Variants in DIP2A observed in about 807,000 individuals in gnomAD.
DIP2A encodes DIP2 acetate--CoA ligase A.
DIP2A carries 85 observed loss-of-function variants against 177.4 expected under a neutral mutation model. That is an observed-to-expected ratio of 0.48 (90% CI 0.40 to 0.57). The LOEUF (loss-of-function observed/expected upper bound fraction) is 0.57, where lower values mean the gene tolerates loss of function less well. Ranked by LOEUF, DIP2A falls within the 20% of genes least tolerant of loss-of-function variation. The pLI is 0.00. For synonymous variants in DIP2A, 886 were observed against 881.8 expected, an observed-to-expected ratio of 1.00 and a Z score of -0.08; for missense variants, 1,791 against 2,100.2, an observed-to-expected ratio of 0.85 and a Z score of 2.88.
At chr21:46,497,625 T>G (rs1384691550) in intron 4 of DIP2A, among the ~76,000 whole-genome samples, 1 of 152,232 alleles carries the variant, frequency 6.6e-6, no homozygotes, top group Non-Finnish European at 1.5e-5. Flanking sequence ...AATAATGTAT[T>G]TTAGTCTTCC....
intron 22 of DIP2A, 50 bp from the exon 23 acceptor site, chr21:46,550,493 C>A: frequency 6.4e-7 from 1 of 1,564,004 alleles, no homozygotes; most frequent in Non-Finnish European, 8.7e-7. Context: ...CCCAGCATCT[C>A]CCCAGCCTCA....
intron 18 of DIP2A, among the ~76,000 whole-genome samples, chr21:46,542,876 G>A (rs2059875448): frequency 6.6e-6 from 1 of 152,254 alleles, no homozygotes; most frequent in Non-Finnish European, 1.5e-5. Context: ...CTGCAACTCT[G>A]CCTCTTGCAG....
intron 8 of DIP2A, among the ~76,000 whole-genome samples, chr21:46,522,075 C>T (rs183642762): frequency 2.0e-5 from 3 of 152,212 alleles, no homozygotes; most frequent in African/African-American, 7.2e-5. Flanking sequence ...TCTGACCTGT[C>T]TAATTTAGAC....
downstream of DIP2A, among the ~76,000 whole-genome samples, chr21:46,574,627 G>A (rs143070824): frequency 3.9e-5 from 6 of 152,124 alleles, no homozygotes; most frequent in East Asian, 1.9e-4. Context: ...AATTGGAAAC[G>A]TTACCAATTC....
At chr21:46,523,608 G>A (rs150740204) in intron 8 of DIP2A, among the ~76,000 whole-genome samples, 45 of 110,498 alleles carry the variant, frequency 4.1e-4, no homozygotes, top group Middle Eastern at 4.6e-3. Flanking sequence ...CAGGCCTTAC[G>A]GCCAAAGGTA....
downstream of DIP2A, among the ~76,000 whole-genome samples, chr21:46,573,550 G>A (rs548547941): frequency 6.8e-6 from 1 of 147,726 alleles, no homozygotes; most frequent in Non-Finnish European, 1.5e-5. Flanking sequence ...AGGCTGAGGT[G>A]GGAATATTCC....
intron 18 of DIP2A, 134 bp from the exon 19 acceptor site, chr21:46,545,003 A>G (rs1485190957): frequency 1.4e-5 from 10 of 720,966 alleles, no homozygotes; most frequent in Non-Finnish European, 2.1e-5. Context: ...TCTGTGTCAT[A>G]AAACTCCTTA....
At chr21:46,555,549 G>A (rs1452054522) in intron 28 of DIP2A, 1 of 207,002 alleles carries the variant, frequency 4.8e-6, no homozygotes, top group Admixed American at 5.3e-5. Context: ...GGAGGCAGTG[G>A]TGTCTGGCTC....
At chr21:46,541,530 C>G (rs1569073969) in intron 17 of DIP2A, among the ~76,000 whole-genome samples, 1 of 152,196 alleles carries the variant, frequency 6.6e-6, no homozygotes, top group Non-Finnish European at 1.5e-5. Context: ...GCATCACAAC[C>G]ACTGTAGTCA....
intron 1 of DIP2A, among the ~76,000 whole-genome samples, chr21:46,460,408 T>C (rs993738314): frequency 6.6e-6 from 1 of 152,246 alleles, no homozygotes; most frequent in Non-Finnish European, 1.5e-5. Flanking sequence ...TAATTGATTC[T>C]TACTCTGTTT....
intron 7 of DIP2A, among the ~76,000 whole-genome samples, chr21:46,510,595 A>AAAGC (rs2058260471): frequency 1.3e-5 from 2 of 151,418 alleles, no homozygotes; most frequent in Admixed American, 1.3e-4. Flanking sequence ...GATTAAAGTA[A>AAAGC]TCTTTTTCCA....
At chr21:46,470,202 C>T (rs1189398904) in intron 1 of DIP2A, among the ~76,000 whole-genome samples, 1 of 152,014 alleles carries the variant, frequency 6.6e-6, no homozygotes, top group Non-Finnish European at 1.5e-5. Flanking sequence ...GGGCTGGGCA[C>T]AGTAGCTCAT....
chr21:46,563,092 C>T lies in DIP2A; in HGVS notation c.4090-766C>T, dbSNP rs953121413. ...TGGAAAGAGCTCTGGTTTTGGGGCT[C>T]AGCTGGGACATGCAGGGAGAAGATG... On this transcript the variant is annotated intron_variant, in intron 34 of 37. Transcript: ENST00000417564. This position sits in a 1 kb window ranked among gnomAD's most constrained non-coding sequence, Gnocchi z 4.3. 1.4e-4 allele frequency among the ~76,000 whole-genome samples: 21 copies of T among 152,154 alleles called. No individual in the cohort carries two copies. Among genetic ancestry groups the T allele is most frequent in the Admixed American group, 3.9e-4 (6 of 15,288 alleles).
intron 5 of DIP2A, among the ~76,000 whole-genome samples, chr21:46,503,607 CCTTCCTTTCTTT>C (rs201287898): frequency 0.09 from 9,201 of 102,682 alleles, 401 homozygotes; most frequent in African/African-American, 0.15. Flanking sequence ...TTCCTTCCTT[CCTTCCTTTCTTT>C]CTTTCTTTCT....
At chr21:46,465,954 G>A (rs895598627) in intron 1 of DIP2A, among the ~76,000 whole-genome samples, 1 of 152,134 alleles carries the variant, frequency 6.6e-6, no homozygotes, top group African/African-American at 2.4e-5. Flanking sequence ...TGAGACTTGG[G>A]TATTTGGTGG....
Position 46,556,184 on chromosome 21 carries a change from C to T in DIP2A, c.3498+93C>T, listed in dbSNP as rs2060461513. On this transcript the variant is annotated intron_variant, in intron 29 of 37. Coordinates refer to ENST00000417564, the MANE Select transcript of DIP2A (RefSeq NM_015151.4). This position sits in a 1 kb window ranked among gnomAD's most constrained non-coding sequence, Gnocchi z 4.5. Reference sequence around the variant, plus strand: ...AGATGCAGATTTAAACTGACAGGTCCTTCTTATGCAAAGCACAAAGCAACA... The same window carrying T: ...AGATGCAGATTTAAACTGACAGGTCTTTCTTATGCAAAGCACAAAGCAACA... 2 of 1,400,784 alleles carry T rather than the reference C, an allele frequency of 1.4e-6. No homozygotes were observed. Among genetic ancestry groups the T allele is most frequent in the Non-Finnish European group, 2.0e-6 (2 of 994,936 alleles). The allele number at this position is 1,400,784 out of a possible 1,614,324, so 86.8% of individuals were successfully genotyped here.
At chr21:46,476,702 G>A (rs958401398) in intron 1 of DIP2A, among the ~76,000 whole-genome samples, 3 of 149,330 alleles carry the variant, frequency 2.0e-5, no homozygotes, top group Non-Finnish European at 4.4e-5. Context: ...TGCCCAGGCT[G>A]GAGTGGTGGA....
intron 1 of DIP2A, among the ~76,000 whole-genome samples, chr21:46,472,456 T>C (rs1009648254): frequency 1.1e-4 from 17 of 152,144 alleles, no homozygotes; most frequent in Non-Finnish European, 2.5e-4. Context: ...ATGTAAACAG[T>C]GGCAATATCA....
chr21:46,459,256 C>T (rs1306836626), intron 1 of DIP2A, 34 bp downstream of exon 1: 2 of 1,494,826 alleles, frequency 1.3e-6, no homozygotes, highest in Admixed American at 2.1e-5. Context: ...CCCCGCGACC[C>T]GCCCTCAGCC....
Sources: allele counts gnomAD v4.1 joint callset (sites outside exome capture counted in the v4.1 genomes callset), GRCh38; gene constraint gnomAD v4.1.1; non-coding constraint Gnocchi (gnomAD v3.1); transcripts MANE v1.5; gene names NCBI Gene and HGNC (gene_info 2026-07-23, HGNC 2026-07-21).